Variants in ARHGAP6 observed in about 807,000 individuals in gnomAD.
ARHGAP6 encodes the protein Rho GTPase activating protein 6.
Under a neutral mutation model 55.7 loss-of-function variants are expected in ARHGAP6, and 16 were observed. The ratio of observed to expected loss-of-function variants is 0.29; its 90% CI spans 0.19 to 0.44. The LOEUF (loss-of-function observed/expected upper bound fraction) is 0.44, where lower values mean the gene tolerates loss of function less well. Among genes scored for constraint, ARHGAP6 ranks in the 20% least tolerant of loss-of-function variants. The pLI is 1.00. For synonymous variants in ARHGAP6, 382 were observed against 360.9 expected (o/e 1.06, Z -0.66); for missense variants, 698 against 808.9 (o/e 0.86, Z 1.66).
intron 1 of ARHGAP6, among the ~76,000 whole-genome samples, chrX:11,363,246 G>A (rs1391240168): frequency 1.1e-4 from 12 of 111,835 alleles, no homozygotes; most frequent in Admixed American, 2.8e-4. Flanking sequence ...AGAAACCCAC[G>A]TGCATGGTGC....
In ARHGAP6 at chrX:11,144,300, C is replaced by A. The variant is rs774073053; in HGVS notation, c.1908-52G>T. 5 of 1,200,481 alleles carry A rather than the reference C, an allele frequency of 4.2e-6. No individual in the cohort carries two copies. In the South Asian group the frequency reaches 5.3e-5, roughly 13 times the overall value. On this transcript the variant is annotated intron_variant, in intron 10 of 12. Transcript: ENST00000337414. ...CGTGAGTTTGTTAACAAGTAGTGACCAGATTTAAACAATATGGCTATTACA... is the reference window on the plus strand; with the variant it reads ...CGTGAGTTTGTTAACAAGTAGTGACAAGATTTAAACAATATGGCTATTACA...
rs181335217 is a variant in ARHGAP6, at chrX:11,534,822, T to C, written c.588+129419A>G. 4.5e-5 allele frequency among the ~76,000 whole-genome samples: 5 copies of C among 111,659 alleles called. No homozygotes were observed. In the East Asian group the frequency reaches 1.4e-3, roughly 31 times the overall value. On this transcript the variant is annotated intron_variant, in intron 1 of 12. Transcript: ENST00000337414. ...ATCTACATAAAAATTATCAATGATATAGTTTACATTTTTTCATATTAGTCT... is the reference window on the plus strand; with the variant it reads ...ATCTACATAAAAATTATCAATGATACAGTTTACATTTTTTCATATTAGTCT...
chrX:11,148,524 C>T (rs1291908977), intron 10 of ARHGAP6: 3 of 237,732 alleles, frequency 1.3e-5, no homozygotes, highest in Non-Finnish European at 2.4e-5. Flanking sequence ...GAGGGTTTCC[C>T]CGTTAGACCC....
At chrX:11,378,361 T>C (rs1351860161) in intron 1 of ARHGAP6, among the ~76,000 whole-genome samples, 1 of 112,830 alleles carries the variant, frequency 8.9e-6, no homozygotes, top group African/African-American at 3.2e-5. Flanking sequence ...ATAAGATCCT[T>C]CATGGACATG....
chrX:11,606,998 G>T (rs1233618757), intron 1 of ARHGAP6, among the ~76,000 whole-genome samples: 1 of 111,465 alleles, frequency 9.0e-6, no homozygotes, highest in Non-Finnish European at 1.9e-5. Flanking sequence ...AAATCCTTCT[G>T]CCTCAGTCAG....
intron 1 of ARHGAP6, among the ~76,000 whole-genome samples, chrX:11,511,476 C>G: frequency 8.9e-6 from 1 of 112,129 alleles, no homozygotes; most frequent in Non-Finnish European, 1.9e-5. Context: ...TGTATACATT[C>G]CCCTCAGGTG....
intron 1 of ARHGAP6, among the ~76,000 whole-genome samples, chrX:11,496,675 G>A (rs2050626111): frequency 8.9e-6 from 1 of 112,063 alleles, no homozygotes. Flanking sequence ...GCATGGAGTT[G>A]GACCCAAGTC....
At chrX:11,274,717 C>T (rs1328913844) in intron 1 of ARHGAP6, among the ~76,000 whole-genome samples, 1 of 110,515 alleles carries the variant, frequency 9.0e-6, no homozygotes. Context: ...CTGTACCTAT[C>T]AACCCATCAC....
At chrX:11,607,877 T>C (rs760216620) in intron 1 of ARHGAP6, among the ~76,000 whole-genome samples, 2 of 112,517 alleles carry the variant, frequency 1.8e-5, no homozygotes, top group Admixed American at 1.9e-4. Context: ...ACAGCACATC[T>C]GATACTACAG....
chrX:11,629,179 T>C (rs1365885695), intron 1 of ARHGAP6, among the ~76,000 whole-genome samples: 5 of 112,153 alleles, frequency 4.5e-5, no homozygotes, highest in African/African-American at 1.6e-4. Flanking sequence ...TTACCTTTAG[T>C]GGCTTCAACA....
At chrX:11,333,620 G>T (rs2048589732) in intron 1 of ARHGAP6, among the ~76,000 whole-genome samples, 1 of 112,492 alleles carries the variant, frequency 8.9e-6, no homozygotes, top group African/African-American at 3.2e-5. Context: ...ATAAGGAAAA[G>T]AATAGCATGA....
chrX:11,365,919 G>GT (rs766231911), intron 1 of ARHGAP6, among the ~76,000 whole-genome samples: 28 of 112,296 alleles, frequency 2.5e-4, no homozygotes, highest in Non-Finnish European at 4.7e-4. Flanking sequence ...TGAGATCATG[G>GT]TGCCAGCAGA....
At chrX:11,194,946 T>C (rs1254508520) in intron 3 of ARHGAP6, among the ~76,000 whole-genome samples, 1 of 112,191 alleles carries the variant, frequency 8.9e-6, no homozygotes, top group Non-Finnish European at 1.9e-5. Context: ...ATAAAAGGAC[T>C]CCAAGATGAG....
chrX:11,653,274 C>T (rs1007156653), intron 1 of ARHGAP6, among the ~76,000 whole-genome samples: 1 of 112,493 alleles, frequency 8.9e-6, no homozygotes, highest in African/African-American at 3.2e-5. Flanking sequence ...TCTTGGGTTA[C>T]ACCAAATCCA....
chrX:11,374,230 A>G (rs1432447669), intron 1 of ARHGAP6, among the ~76,000 whole-genome samples: 2 of 111,164 alleles, frequency 1.8e-5, no homozygotes, highest in African/African-American at 6.5e-5. Context: ...ATCCTGGAGG[A>G]CTGTGGTTGA....
At position 11,413,665 on chromosome X, in the gene ARHGAP6, A is replaced by AT. The variant is rs778578603; in HGVS notation, c.589-158959dup. Among the ~76,000 whole-genome samples the AT allele has an allele frequency of 3.6e-5, 4 of 112,520 alleles. No individual in the cohort carries two copies. The South Asian group carries it at 1.5e-3, about 42-fold the overall frequency. On this transcript the variant is annotated intron_variant, in intron 1 of 12. Coordinates refer to ENST00000337414, the MANE Select transcript of ARHGAP6 (RefSeq NM_013427.3). ...AGATACATCCACAAGAAGAACTAGCATTTTAAACCCATGAGTAAATGACAC... is the reference window on the plus strand; with the variant it reads ...AGATACATCCACAAGAAGAACTAGCATTTTTAAACCCATGAGTAAATGACAC...
intron 2 of ARHGAP6, among the ~76,000 whole-genome samples, chrX:11,253,765 C>T (rs2047453067): frequency 1.8e-5 from 2 of 110,532 alleles, no homozygotes; most frequent in African/African-American, 3.3e-5. Context: ...ATTAGCTGGG[C>T]GTGGTGGTGT....
At chrX:11,661,572 A>G (rs988018411) in intron 1 of ARHGAP6, among the ~76,000 whole-genome samples, 3 of 112,709 alleles carry the variant, frequency 2.7e-5, no homozygotes, top group African/African-American at 9.7e-5. Context: ...CTGAAAGAAC[A>G]AAGTGGGAAA....
intron 1 of ARHGAP6, among the ~76,000 whole-genome samples, chrX:11,284,697 A>G (rs768858990): frequency 2.7e-5 from 3 of 111,913 alleles, no homozygotes; most frequent in Non-Finnish European, 5.6e-5. Context: ...CATGCTCCAC[A>G]TCTCATAAGA....
Sources: allele counts gnomAD v4.1 joint callset (sites outside exome capture counted in the v4.1 genomes callset), GRCh38; gene constraint gnomAD v4.1.1; transcripts MANE v1.5; gene names NCBI Gene and HGNC (gene_info 2026-07-23, HGNC 2026-07-21).